The following SLC25A47 variants were observed in gnomAD, a reference collection of about 807,000 sequenced individuals.
SLC25A47 encodes solute carrier family 25 member 47.
SLC25A47 carries 30 observed loss-of-function variants against 29.8 expected under a neutral mutation model. That is an observed-to-expected ratio of 1.01 (90% CI 0.75 to 1.36). The LOEUF (loss-of-function observed/expected upper bound fraction) is 1.36. SLC25A47 is among the 40% of genes most tolerant of loss of function. The pLI is 0.00. For synonymous variants in SLC25A47, 204 were observed against 197.8 expected, an observed-to-expected ratio of 1.03 and a Z score of -0.26; for missense variants, 430 against 441.9, an observed-to-expected ratio of 0.97 and a Z score of 0.24.
Position 100,325,842 on chromosome 14 carries a change from A to G in SLC25A47, c.72+11A>G, listed in dbSNP as rs761668033. 2.5e-6 allele frequency: 4 copies of G among 1,610,742 alleles called. No individual in the cohort carries two copies. ...CTGGACACGGTGAAGGTGCGGCAAT[A>G]GCCAGCCCCCCAACCATCCTAAGGC... On this transcript the variant is annotated intron_variant, in intron 2 of 5. Coordinates refer to ENST00000361529, the MANE Select transcript of SLC25A47 (RefSeq NM_207117.4).
Position 100,328,815 on chromosome 14 carries a change from G to C in SLC25A47, c.417G>C (p.Ser139=). 6.2e-7 allele frequency: 1 copy of C among 1,612,738 alleles called. No homozygotes were observed. Among genetic ancestry groups the C allele is most frequent in the Non-Finnish European group, 8.5e-7 (1 of 1,179,840 alleles). Residue 139 remains serine, a synonymous_variant, in exon 5 of 6, where the codon TCG becomes TCC. Coordinates refer to ENST00000361529, the MANE Select transcript of SLC25A47 (RefSeq NM_207117.4). ...AQKQQRRLSA[S]GPLAVPPMCP... is the part of the protein sequence containing the mutation. ...AGCAGCAGCGGCGGCTTTCGGCCTC[G>C]GGGCCGTTGGCTGTGCCCCCCATGT...
chr14:100,327,861 A>G (rs1893370076), intron 4 of SLC25A47, among the ~76,000 whole-genome samples: 1 of 152,240 alleles, frequency 6.6e-6, no homozygotes, highest in South Asian at 2.1e-4. Context: ...GACAGCACGG[A>G]GCCAGCTGGA....
intron 3 of SLC25A47, 117 bp downstream of exon 3, chr14:100,326,345 A>C: frequency 2.3e-6 from 2 of 885,010 alleles, no homozygotes; most frequent in Non-Finnish European, 3.6e-6. Context: ...CACCTTCCAC[A>C]TGGGAATAGT....
chr14:100,325,978 C>T, intron 2 of SLC25A47, 147 bp downstream of exon 2: 1 of 1,010,896 alleles, frequency 9.9e-7, no homozygotes, highest in Admixed American at 2.4e-5. Context: ...CTATGTCAGT[C>T]CCACTTTCTC....
In SLC25A47 at chr14:100,328,785, G is replaced by A. The variant is rs758770017; in HGVS notation, c.387G>A (p.Ala129=). ...TCCGCTTGCAGACGCAGACACAGGC[G>A]CAGAAGCAGCAGCGGCGGCTTTCGG... ...AKVRLQTQTQ[A]QKQQRRLSAS... Residue 129 remains alanine (A), a synonymous_variant, in exon 5 of 6, where the codon GCG becomes GCA. Coordinates refer to ENST00000361529, the MANE Select transcript of SLC25A47 (RefSeq NM_207117.4). The A allele has an allele frequency of 3.7e-6, 6 of 1,612,890 alleles. No homozygotes were observed. Among genetic ancestry groups the A allele is most frequent in the African/African-American group, 1.3e-5 (1 of 74,948 alleles).
rs904809522 is a variant in SLC25A47, at chr14:100,329,841, G to A, written c.*196G>A. The A allele has an allele frequency of 1.5e-5, 11 of 752,916 alleles. No individual in the cohort carries two copies. The highest frequency in any genetic ancestry group is 3.0e-5 in the Admixed American group (1 of 33,008). The allele number at this position is 752,916 out of a possible 1,614,324, so 46.6% of individuals were successfully genotyped here. On this transcript the variant is annotated 3_prime_UTR_variant, in exon 6 of 6. Transcript: ENST00000361529. Reference sequence around the variant, plus strand: ...CTACTGACCTCAGGTCGAGGGGCCCGCCAGCCATCAGCCAGGGTTGGCCTA... The same window carrying A: ...CTACTGACCTCAGGTCGAGGGGCCCACCAGCCATCAGCCAGGGTTGGCCTA...
In SLC25A47 at chr14:100,325,807, G is replaced by A. The variant is rs1162348856; in HGVS notation, c.48G>A (p.Val16=). 6.2e-7 allele frequency: 1 copy of A among 1,612,834 alleles called. No homozygotes were observed. The highest frequency in any genetic ancestry group is 1.7e-5 in the Admixed American group (1 of 59,918). The change falls in exon 2 of 6, where the codon GTG becomes GTA. Residue 16 remains valine, a synonymous_variant. Transcript: ENST00000361529. ...GAIGGVCGVA[V]GYPLDTVKVR... ...TTGCAGGCGTCTGCGGTGTTGCTGT[G>A]GGCTACCCCCTGGACACGGTGAAGG... is the stretch of plus-strand genomic sequence containing the variant.
rs1056174652 is a variant in SLC25A47, at chr14:100,328,853, C to T, written c.455C>T (p.Pro152Leu). ...LAVPPMCPVP[P>L]ACPEPKYRGP... is the part of the protein sequence containing the mutation. ...GTGCCCCCCATGTGTCCTGTGCCCC[C>T]AGCCTGCCCAGAGCCCAAGTACCGC... The change falls in exon 5 of 6, where the codon CCA becomes CTA. Residue 152 changes from proline (P) to leucine (L), a missense_variant. Transcript: ENST00000361529. 4.3e-6 allele frequency: 7 copies of T among 1,612,446 alleles called. No homozygotes were observed. The highest frequency in any genetic ancestry group is 1.1e-5 in the South Asian group (1 of 91,064).
chr14:100,325,868 C>T, intron 2 of SLC25A47, 37 bp downstream of exon 2: 2 of 1,600,922 alleles, frequency 1.2e-6, no homozygotes, highest in South Asian at 1.1e-5. Context: ...ATCCTAAGGC[C>T]CCTGCACCTG....
At position 100,329,882 on chromosome 14, in the gene SLC25A47, GGGA is replaced by G; in HGVS notation, c.*242_*244del. 1 of 584,116 alleles carries G rather than the reference GGGA, an allele frequency of 1.7e-6. No individual in the cohort carries two copies. The highest frequency in any genetic ancestry group is 2.1e-5 in the South Asian group (1 of 48,020). 36.2% of individuals were successfully genotyped at this position (584,116 alleles called of 1,614,324 possible). A position where few individuals can be genotyped will look rare whatever the true frequency, so the allele number is the denominator to read the frequency against. On this transcript the variant is annotated 3_prime_UTR_variant, in exon 6 of 6. Transcript: ENST00000361529. ...GGTTGGCCTAGGGTGGCAGGAGCCAGGGAGGAGTGGGCCTCTTTGATGAGAGCG... is the reference window on the plus strand; with the variant it reads ...GGTTGGCCTAGGGTGGCAGGAGCCAGGGAGTGGGCCTCTTTGATGAGAGCG...
rs1460432532 is a variant in SLC25A47 at position 100,330,122 on chromosome 14, A to T, written c.*477A>T. 2 of 167,218 alleles carry T rather than the reference A, an allele frequency of 1.2e-5. No homozygotes were observed. Among genetic ancestry groups the T allele is most frequent in the Non-Finnish European group, 1.3e-5 (1 of 76,348 alleles). The allele number at this position is 167,218 out of a possible 1,614,324, so 10.4% of individuals were successfully genotyped here. On this transcript the variant is annotated 3_prime_UTR_variant, in exon 6 of 6. Transcript: ENST00000361529. The stretch of plus-strand genomic sequence containing the variant: ...GGCTGGGGGCCTCGGGGCGGGGAGC[A>T]TGAGCTGGGCTGGCACCACGACTGA...
At position 100,329,025 on chromosome 14, in the gene SLC25A47, C is replaced by G. The variant is rs142537072; in HGVS notation, c.627C>G (p.Pro209=). ...SYAVLCEWLS[P]AGHSRPDVPG... The stretch of plus-strand genomic sequence containing the variant: ...CGGTCCTCTGCGAGTGGCTCAGCCC[C>G]GCTGGCCACAGCCGGCCAGGTGAGC... Residue 209 remains proline (P), a synonymous_variant, in exon 5 of 6, where the codon CCC becomes CCG. Coordinates refer to ENST00000361529, the MANE Select transcript of SLC25A47 (RefSeq NM_207117.4). The G allele has an allele frequency of 1.1e-5, 17 of 1,599,260 alleles. No homozygotes were observed. The East Asian group carries it at 2.7e-4, about 25-fold the overall frequency.
At position 100,327,121 on chromosome 14, in the gene SLC25A47, T is replaced by C. The variant is rs1157286776; in HGVS notation, c.145-67T>C. On this transcript the variant is annotated intron_variant, in intron 3 of 5. Coordinates refer to ENST00000361529, the MANE Select transcript of SLC25A47 (RefSeq NM_207117.4). ...CAGCGGAGTGCGGAGCAGGGCTGAGTGTGGGCTCCCTCGGGTGGCTCCTCC... is the reference window on the plus strand; with the variant it reads ...CAGCGGAGTGCGGAGCAGGGCTGAGCGTGGGCTCCCTCGGGTGGCTCCTCC... The C allele has an allele frequency of 4.1e-6, 6 of 1,475,690 alleles. No homozygotes were observed. In the Admixed American group the frequency reaches 8.2e-5, roughly 20 times the overall value. The allele number at this position is 1,475,690 out of a possible 1,614,324, so 91.4% of individuals were successfully genotyped here.
intron 1 of SLC25A47, among the ~76,000 whole-genome samples, chr14:100,323,833 G>A (rs1408719020): frequency 6.6e-6 from 1 of 152,102 alleles, no homozygotes; most frequent in Non-Finnish European, 1.5e-5. Context: ...AGGGAAGATG[G>A]GCCTGGTCCT....
At position 100,329,375 on chromosome 14, in the gene SLC25A47, C is replaced by A. The variant is rs749240751; in HGVS notation, c.657C>A (p.Gly219=). The A allele has an allele frequency of 6.2e-6, 10 of 1,601,670 alleles. No homozygotes were observed. The highest frequency in any genetic ancestry group is 5.4e-5 in the African/African-American group (4 of 74,672). Residue 219 remains glycine, a synonymous_variant, in exon 6 of 6, where the codon GGC becomes GGA. Transcript: ENST00000361529. The part of the protein sequence containing the change: ...PAGHSRPDVP[G]VLVAGGCAGV... ...GTGGTCTCTCTGCAGATGTCCCGGG[C>A]GTGCTGGTGGCCGGGGGCTGTGCAG...
At chr14:100,326,991 G>C (rs1438903111) in intron 3 of SLC25A47, among the ~76,000 whole-genome samples, 197 bp from the exon 4 acceptor site, 1 of 152,152 alleles carries the variant, frequency 6.6e-6, no homozygotes, top group Non-Finnish European at 1.5e-5. Context: ...AGCTGGGCTG[G>C]GTTGGGCCTG....
rs1893279850 is a variant in SLC25A47 at position 100,323,357 on chromosome 14, G to A, written c.-58G>A. 6.2e-7 allele frequency: 1 copy of A among 1,606,744 alleles called. No individual in the cohort carries two copies. The highest frequency in any genetic ancestry group is 8.5e-7 in the Non-Finnish European group (1 of 1,175,890). Reference sequence around the variant, plus strand: ...GCTGGGAGCTGTTGAGGCCACCCTGGTGGCACCAAAGCCCTCTCAGGCAGG... The same window carrying A: ...GCTGGGAGCTGTTGAGGCCACCCTGATGGCACCAAAGCCCTCTCAGGCAGG... On this transcript the variant is annotated 5_prime_UTR_variant, in exon 1 of 6. In the 5' UTR this introduces an upstream ATG that the reference lacks. Transcript: ENST00000361529.
intron 3 of SLC25A47, 151 bp downstream of exon 3, chr14:100,326,379 T>C (rs1326780685): frequency 2.7e-6 from 2 of 739,984 alleles, no homozygotes; most frequent in East Asian, 2.7e-5. Flanking sequence ...TGGGTTCCTC[T>C]GAGGTCTGGA....
chr14:100,327,315 C>A lies in SLC25A47; in HGVS notation c.272C>A (p.Ala91Asp). The A allele has an allele frequency of 6.2e-7, 1 of 1,603,062 alleles. No homozygotes were observed. The highest frequency in any genetic ancestry group is 8.5e-7 in the Non-Finnish European group (1 of 1,179,860). Residue 91 changes from alanine to aspartate, a missense_variant, in exon 4 of 6, where the codon GCC becomes GAC. Ala to Asp is a moderately radical substitution (Grantham distance 126). Coordinates refer to ENST00000361529, the MANE Select transcript of SLC25A47 (RefSeq NM_207117.4). The part of the protein sequence containing the change: ...ICRLRYGNPD[A>D]KPTKADITLS... ...CGGCTCCGGTACGGCAACCCTGACG[C>A]CAAGCCCACCAAGGCCGACATCACG... is the stretch of plus-strand genomic sequence containing the variant.
Sources: allele counts gnomAD v4.1 joint callset (sites outside exome capture counted in the v4.1 genomes callset), GRCh38; gene constraint gnomAD v4.1.1; transcripts MANE v1.5; gene names NCBI Gene and HGNC (gene_info 2026-07-23, HGNC 2026-07-21).